CFAP58: variants seen among roughly 807,000 people sequenced by gnomAD.
CFAP58 encodes cilia- and flagella-associated protein 58.
Under a neutral mutation model 119.5 loss-of-function variants are expected in CFAP58, and 88 were observed. That is an observed-to-expected ratio of 0.74 (90% CI 0.62 to 0.88). The LOEUF is 0.88. Among genes scored for constraint, CFAP58 ranks in the 40% least tolerant of loss-of-function variants. The probability of loss-of-function intolerance (pLI) is 0.00; values close to 1 mark genes in which losing one functional copy is unlikely to be tolerated. For synonymous variants in CFAP58, 365 were observed against 366.3 expected, an observed-to-expected ratio of 1.00 and a Z score of 0.04; for missense variants, 990 against 1,021.2, an observed-to-expected ratio of 0.97 and a Z score of 0.42.
At chr10:104,380,380 C>T (rs886152591) in intron 9 of CFAP58, among the ~76,000 whole-genome samples, 160 bp downstream of exon 9, 19 of 152,144 alleles carry the variant, frequency 1.2e-4, no homozygotes, top group Admixed American at 1.0e-3. Context: ...AAGCTGTTTC[C>T]GAGCTGATTC....
intron 15 of CFAP58, among the ~76,000 whole-genome samples, chr10:104,427,945 G>A (rs1385733396): frequency 1.3e-5 from 2 of 152,192 alleles, no homozygotes; most frequent in Non-Finnish European, 2.9e-5. Flanking sequence ...TAGAGAAACT[G>A]GCTGTTGTGT....
chr10:104,431,714 T>C (rs573475280), intron 15 of CFAP58, among the ~76,000 whole-genome samples: 215 of 152,358 alleles, frequency 1.4e-3, no homozygotes, highest in Middle Eastern at 3.4e-3. Flanking sequence ...CAGAGGCAAC[T>C]ACTGTCATTA....
chr10:104,368,026 G>T (rs1289451499), intron 5 of CFAP58, among the ~76,000 whole-genome samples: 1 of 152,266 alleles, frequency 6.6e-6, no homozygotes, highest in Non-Finnish European at 1.5e-5. Flanking sequence ...TGCTTCTGAA[G>T]ATGTAGCTTC....
intron 15 of CFAP58, among the ~76,000 whole-genome samples, chr10:104,444,082 A>G (rs1350367174): frequency 6.6e-6 from 1 of 152,232 alleles, no homozygotes; most frequent in Non-Finnish European, 1.5e-5. Context: ...GAAAGCTAGT[A>G]TTTTGGTATT....
At chr10:104,386,058 T>A (rs1024887834) in intron 9 of CFAP58, among the ~76,000 whole-genome samples, 1 of 121,570 alleles carries the variant, frequency 8.2e-6, no homozygotes, top group South Asian at 2.6e-4. Flanking sequence ...TTGTTCCTTT[T>A]TTGCTTTTTT....
chr10:104,355,744 A>G (rs1348734646), intron 1 of CFAP58, among the ~76,000 whole-genome samples: 2 of 152,258 alleles, frequency 1.3e-5, no homozygotes, highest in African/African-American at 4.8e-5. Context: ...ATGTTATAAC[A>G]GTGGAAATAT....
In CFAP58 at chr10:104,358,000, C is replaced by T. The variant is rs141677684; in HGVS notation, c.10-341C>T. Among the ~76,000 whole-genome samples, 703 of 133,254 alleles carry T rather than the reference C, an allele frequency of 5.3e-3. 43 individuals are homozygous for T. In the East Asian group the frequency reaches 0.14, roughly 26 times the overall value. The allele number at this position is 133,254 out of a possible 152,430, so 87.4% of individuals were successfully genotyped here. A position where few individuals can be genotyped will look rare whatever the true frequency, so the allele number is the denominator to read the frequency against. On this transcript the variant is annotated intron_variant, in intron 1 of 17. Transcript: ENST00000369704. ...GTACATATGTACACATATATGTACA[C>T]ATATATACACATATATGTACATATA... is the stretch of plus-strand genomic sequence containing the variant.
the CFAP58 span, among the ~76,000 whole-genome samples, chr10:104,342,114 G>A: frequency 1.3e-5 from 2 of 152,170 alleles, no homozygotes; most frequent in African/African-American, 2.4e-5. Context: ...TTGGGTCAGT[G>A]CCTTGATAGT....
intron 2 of CFAP58, 101 bp from the exon 3 acceptor site, chr10:104,361,922 A>C: frequency 8.8e-7 from 1 of 1,131,990 alleles, no homozygotes. Context: ...ATGCACATTT[A>C]TATAACTACA....
At chr10:104,349,078 C>G (rs1299642145), upstream of CFAP58, among the ~76,000 whole-genome samples, 1 of 152,110 alleles carries the variant, frequency 6.6e-6, no homozygotes, top group African/African-American at 2.4e-5. Flanking sequence ...GAAACTCTGT[C>G]TCTAACAAAA....
At chr10:104,429,883 T>C (rs200330131) in intron 15 of CFAP58, among the ~76,000 whole-genome samples, 3 of 151,890 alleles carry the variant, frequency 2.0e-5, no homozygotes, top group Non-Finnish European at 2.9e-5. Context: ...TTTTTTTTTT[T>C]CCCACAGCCT....
At chr10:104,407,964 G>C (rs1188539256) in intron 15 of CFAP58, among the ~76,000 whole-genome samples, 2 of 152,194 alleles carry the variant, frequency 1.3e-5, no homozygotes, top group African/African-American at 2.4e-5. Flanking sequence ...CCAAAGTGCT[G>C]GGATTACAGG....
chr10:104,352,010 A>C (rs546293189), upstream of CFAP58: 73 of 152,340 alleles, frequency 4.8e-4, no homozygotes, highest in African/African-American at 1.8e-3. Context: ...AGGGAATCTC[A>C]AGTAGCCTAT....
intron 17 of CFAP58, among the ~76,000 whole-genome samples, chr10:104,452,417 G>A (rs2013211463): frequency 6.6e-6 from 1 of 152,156 alleles, no homozygotes; most frequent in Admixed American, 6.5e-5. Flanking sequence ...GTTATAAACA[G>A]CTAGCTTGGC....
intron 9 of CFAP58, chr10:104,382,071 A>G (rs1481234954): frequency 4.2e-6 from 3 of 717,214 alleles, no homozygotes; most frequent in Non-Finnish European, 7.8e-6. Context: ...TTTTGCTCAT[A>G]TAACTGGCCT....
At chr10:104,358,086 C>CACACATATATGTACATATAT (rs2014616130) in intron 1 of CFAP58, among the ~76,000 whole-genome samples, 2 of 136,904 alleles carry the variant, frequency 1.5e-5, no homozygotes, top group Admixed American at 7.6e-5. Flanking sequence ...CATATATATA[C>CACACATATATGTACATATAT]ACACATATAT....
chr10:104,434,083 C>T (rs2133082520), intron 15 of CFAP58, among the ~76,000 whole-genome samples: 1 of 152,276 alleles, frequency 6.6e-6, no homozygotes, highest in Non-Finnish European at 1.5e-5. Context: ...TGATCCTGGG[C>T]AAATTACTTA....
chr10:104,406,689 G>C lies in CFAP58; in HGVS notation c.2152G>C (p.Ala718Pro), dbSNP rs902291791. 2 of 1,613,856 alleles carry C rather than the reference G, an allele frequency of 1.2e-6. No homozygotes were observed. Among genetic ancestry groups the C allele is most frequent in the Non-Finnish European group, 1.7e-6 (2 of 1,179,872 alleles). ...TGCTATTGTTGTTCCCCTTGGACAG[G>C]CCAGCGACCCCAATGCATATGAGCT... ...LNVHRWRKLEASDPNAYELIQ... is the reference protein window; with the variant it reads ...LNVHRWRKLEPSDPNAYELIQ... Residue 718 changes from alanine to proline, a missense_variant and splice_region_variant, in exon 15 of 18, where the codon GCC becomes CCC. Ala to Pro is a conservative substitution (Grantham distance 27). Transcript: ENST00000369704.
At chr10:104,374,846 C>CAAA (rs56074829) in intron 7 of CFAP58, among the ~76,000 whole-genome samples, 1,476 of 101,448 alleles carry the variant, frequency 0.015, 21 homozygotes, top group African/African-American at 0.054. Context: ...CTTATAACTG[C>CAAA]AAAAAAAAAA....
Sources: gnomAD v4.1 joint callset for allele counts (sites outside exome capture counted in the v4.1 genomes callset) on GRCh38, gnomAD v4.1.1 for gene constraint, MANE v1.5 for transcripts, NCBI Gene and HGNC (gene_info 2026-07-23, HGNC 2026-07-21) for gene names.